Variants in ACAN observed in about 807,000 individuals in gnomAD.
ACAN encodes aggrecan core protein.
ACAN carries 47 observed loss-of-function variants against 169.1 expected under a neutral mutation model. The observed-to-expected ratio is 0.28, with a 90% CI of 0.22 to 0.35. The LOEUF is 0.35. ACAN is among the 10% of genes least tolerant of loss of function. ACAN has a pLI of 1.00. For synonymous variants in ACAN, 1,115 were observed against 1,112.2 expected, an observed-to-expected ratio of 1.00 and a Z score of -0.05; for missense variants, 2,716 against 2,759.9, an observed-to-expected ratio of 0.98 and a Z score of 0.36.
Position 88,847,969 on chromosome 15 carries a change from G to T in ACAN, c.1663G>T (p.Val555Phe). Reference protein sequence around the residue: ...CVGDKDSSPGVRTYGVRPSTE... With the variant: ...CVGDKDSSPGFRTYGVRPSTE... ...GGGTGACAAGGACAGCAGCCCAGGGGTCAGGACCTATGGCGTGCGCCCATC... is the reference window on the plus strand; with the variant it reads ...GGGTGACAAGGACAGCAGCCCAGGGTTCAGGACCTATGGCGTGCGCCCATC... Residue 555 changes from valine (V) to phenylalanine (F), a missense_variant, in exon 9 of 19, where the codon GTC (valine) becomes TTC (phenylalanine). This residue lies in a region of ACAN where 1,283 missense variants were observed against 1,281.5 expected (regional missense o/e 1.00). Coordinates refer to ENST00000560601, the MANE Select transcript of ACAN (RefSeq NM_001369268.1). 1 of 1,614,044 alleles carries T rather than the reference G, an allele frequency of 6.2e-7. No homozygotes were observed.
intron 1 of ACAN, among the ~76,000 whole-genome samples, chr15:88,804,418 C>G (rs988597202): frequency 6.6e-6 from 1 of 152,158 alleles, no homozygotes; most frequent in African/African-American, 2.4e-5. Context: ...GGGAGAGTGG[C>G]AGAACCTGGG....
At chr15:88,837,294 C>CA (rs920342025) in intron 2 of ACAN, among the ~76,000 whole-genome samples, 5 of 152,218 alleles carry the variant, frequency 3.3e-5, no homozygotes, top group Non-Finnish European at 7.3e-5. Flanking sequence ...CCCATGCTCC[C>CA]ACCCAGCCAC....
In ACAN at chr15:88,872,803, C is replaced by T; in HGVS notation, c.7303-78C>T. 2.6e-6 allele frequency: 4 copies of T among 1,513,926 alleles called. No individual in the cohort carries two copies. The allele number at this position is 1,513,926 out of a possible 1,614,324, so 93.8% of individuals were successfully genotyped here. On this transcript the variant is annotated intron_variant, in intron 16 of 18. Transcript: ENST00000560601. The surrounding 1 kb of genome is among the most constrained non-coding windows in gnomAD (Gnocchi z 5.4). ...AGAGAAAGGAGATGATGAAGAGGCT[C>T]CACGGGGAAGACAGTCGGAGCAGGC...
Position 88,868,784 on chromosome 15 carries a change from C to T in ACAN, c.7060+455C>T, listed in dbSNP as rs1356049285. 6.6e-6 allele frequency among the ~76,000 whole-genome samples: 1 copy of T among 152,170 alleles called. No homozygotes were observed. Among genetic ancestry groups the T allele is most frequent in the African/African-American group, 2.4e-5 (1 of 41,454 alleles). On this transcript the variant is annotated intron_variant, in intron 14 of 18. Coordinates refer to ENST00000560601, the MANE Select transcript of ACAN (RefSeq NM_001369268.1). The surrounding 1 kb of genome is among the most constrained non-coding windows in gnomAD (Gnocchi z 5.2). The stretch of plus-strand genomic sequence containing the variant: ...CCACTGTGCCACATTGGCCAAGCTG[C>T]CTTTCTCTTCTCCTGGGGCAAGAGC...
Position 88,858,867 on chromosome 15 carries a change from A to G in ACAN, c.6282A>G (p.Ser2094=), listed in dbSNP as rs761487982. Residue 2094 remains serine (S), a synonymous_variant, in exon 12 of 19, where the codon TCA becomes TCG. Coordinates refer to ENST00000560601, the MANE Select transcript of ACAN (RefSeq NM_001369268.1). The surrounding 1 kb of genome is among the most constrained non-coding windows in gnomAD (Gnocchi z 4.0). ...TCCCTGGGTCTGGAGTAGAAGTATC[A>G]TCAGTCCCAGAATCTAGCAGTGAGA... The part of the protein sequence containing the change: ...PVLPGSGVEV[S]SVPESSSETS... 5 of 1,612,242 alleles carry G rather than the reference A, an allele frequency of 3.1e-6. No individual in the cohort carries two copies. Among genetic ancestry groups the G allele is most frequent in the Middle Eastern group, 3.3e-4 (2 of 6,060 alleles).
intron 11 of ACAN, among the ~76,000 whole-genome samples, chr15:88,853,835 G>T (rs934169863): frequency 3.7e-5 from 5 of 133,490 alleles, no homozygotes; most frequent in Admixed American, 3.0e-4. Context: ...TTCGGGTCCT[G>T]CCCAGCTAAC....
In ACAN at chr15:88,872,003, A is replaced by G; in HGVS notation, c.7220A>G (p.Asn2407Ser). 6.2e-7 allele frequency: 1 copy of G among 1,613,784 alleles called. No homozygotes were observed. The highest frequency in any genetic ancestry group is 8.5e-7 in the Non-Finnish European group (1 of 1,179,758). The change falls in exon 16 of 19, where the codon AAC (asparagine) becomes AGC (serine). Residue 2407 changes from asparagine to serine, a missense_variant and splice_region_variant. Coordinates refer to ENST00000560601, the MANE Select transcript of ACAN (RefSeq NM_001369268.1). The surrounding 1 kb of genome is among the most constrained non-coding windows in gnomAD (Gnocchi z 5.4). ...VTPEEQEFVN[N>S]NAQDYQWIGL... is the part of the protein sequence containing the mutation. Reference sequence around the variant, plus strand: ...CCTGACACCCTCACCCTTTCCCCAGACAATGCCCAAGACTACCAGTGGATC... The same window carrying G: ...CCTGACACCCTCACCCTTTCCCCAGGCAATGCCCAAGACTACCAGTGGATC...
chr15:88,848,179 G>C, intron 9 of ACAN, 141 bp downstream of exon 9: 1 of 1,288,156 alleles, frequency 7.8e-7, no homozygotes, highest in East Asian at 2.4e-5. Flanking sequence ...AAAGGGTCCT[G>C]CTGAAAAAGG....
chr15:88,863,282 G>A (rs953693572), intron 13 of ACAN, among the ~76,000 whole-genome samples: 10 of 152,220 alleles, frequency 6.6e-5, no homozygotes, highest in Non-Finnish European at 1.2e-4. Context: ...AAACAGCAGC[G>A]TCTTTCCCCA....
At chr15:88,845,920 G>A in intron 7 of ACAN, 38 bp downstream of exon 7, 2 of 1,439,512 alleles carry the variant, frequency 1.4e-6, no homozygotes, top group Non-Finnish European at 9.1e-7. Flanking sequence ...GGGGCAGGTG[G>A]AGAGAACTTG....
At chr15:88,867,002 T>G (rs1251437776) in intron 13 of ACAN, among the ~76,000 whole-genome samples, 1 of 152,194 alleles carries the variant, frequency 6.6e-6, no homozygotes, top group Non-Finnish European at 1.5e-5. Context: ...TGGAACCCAC[T>G]CACTGCAGAA....
intron 1 of ACAN, among the ~76,000 whole-genome samples, chr15:88,831,665 G>T (rs1459120768): frequency 6.6e-6 from 1 of 152,226 alleles, no homozygotes; most frequent in Non-Finnish European, 1.5e-5. Context: ...CTGGCACTGA[G>T]TTCTGGTTTG....
In ACAN at chr15:88,867,185, G is replaced by A. The variant is rs367802821; in HGVS notation, c.6947-1031G>A. On this transcript the variant is annotated intron_variant, in intron 13 of 18. Transcript: ENST00000560601. ...TCAGCAAGATGCAGAAAGACCAGAT[G>A]AGGAGATTTAGTTCTCACCTTGGCT... Among the ~76,000 whole-genome samples the A allele has an allele frequency of 6.6e-5, 10 of 152,350 alleles. 1 individual carries two copies. In the East Asian group the frequency reaches 1.7e-3, roughly 26 times the overall value.
rs771496729 is a variant in ACAN at position 88,820,164 on chromosome 15, C to T, written c.-7-16036C>T. ...CTGGATATATGCAATTTTTAAAGGACGTAGTTGTGATAGGTGCTCACAGAT... is the reference window on the plus strand; with the variant it reads ...CTGGATATATGCAATTTTTAAAGGATGTAGTTGTGATAGGTGCTCACAGAT... On this transcript the variant is annotated intron_variant, in intron 1 of 18. Transcript: ENST00000560601. Among the ~76,000 whole-genome samples, 93 of 152,116 alleles carry T rather than the reference C, an allele frequency of 6.1e-4. 1 individual carries two copies. Among genetic ancestry groups the T allele is most frequent in the Middle Eastern group, 3.2e-3 (1 of 316 alleles).
chr15:88,811,766 C>A (rs1479323422), intron 1 of ACAN, among the ~76,000 whole-genome samples: 1 of 152,116 alleles, frequency 6.6e-6, no homozygotes, highest in African/African-American at 2.4e-5. Flanking sequence ...TGGACTAGCA[C>A]CAATGGGGGT....
chr15:88,820,511 A>C (rs1297389872), intron 1 of ACAN, among the ~76,000 whole-genome samples: 1 of 152,114 alleles, frequency 6.6e-6, no homozygotes, highest in South Asian at 2.1e-4. Flanking sequence ...TTTGTTTCTA[A>C]CTTTATTTAA....
chr15:88,810,422 G>A (rs970926611), intron 1 of ACAN, among the ~76,000 whole-genome samples: 2 of 152,110 alleles, frequency 1.3e-5, no homozygotes, highest in African/African-American at 4.8e-5. Flanking sequence ...ATCTCCCTCA[G>A]AAAACCTGGC....
intron 9 of ACAN, among the ~76,000 whole-genome samples, chr15:88,848,950 C>T (rs60418486): frequency 0.027 from 4,142 of 152,286 alleles, 198 homozygotes; most frequent in African/African-American, 0.095. Context: ...TCAGGTACAT[C>T]GCTAGGTGCT....
In ACAN at chr15:88,868,708, C is replaced by A. The variant is rs912745235; in HGVS notation, c.7060+379C>A. On this transcript the variant is annotated intron_variant, in intron 14 of 18. Coordinates refer to ENST00000560601, the MANE Select transcript of ACAN (RefSeq NM_001369268.1). The surrounding 1 kb of genome is among the most constrained non-coding windows in gnomAD (Gnocchi z 5.2). ...TCCAGATGACAGCCACGGATCTTCT[C>A]AGTGTGGTCATGGGCATGGGACCTT... Among the ~76,000 whole-genome samples, 3 of 152,180 alleles carry A rather than the reference C, an allele frequency of 2.0e-5. No homozygotes were observed. The highest frequency in any genetic ancestry group is 7.2e-5 in the African/African-American group (3 of 41,438).
Sources: allele counts gnomAD v4.1 joint callset (sites outside exome capture counted in the v4.1 genomes callset), GRCh38; gene constraint gnomAD v4.1.1; regional missense constraint gnomAD v4.1.1; non-coding constraint Gnocchi (gnomAD v3.1); transcripts MANE v1.5; gene names NCBI Gene and HGNC (gene_info 2026-07-23, HGNC 2026-07-21).